GPATCH2: variants seen among roughly 807,000 people sequenced by gnomAD.
GPATCH2 encodes the protein G patch domain-containing protein 2.
GPATCH2 carries 51 observed loss-of-function variants against 58.0 expected under a neutral mutation model. The observed-to-expected ratio is 0.88, with a 90% CI of 0.70 to 1.11. GPATCH2 has a LOEUF of 1.11. Among genes scored for constraint, GPATCH2 ranks in the 50% most tolerant of loss-of-function variants. The probability of loss-of-function intolerance (pLI) is 0.00; values close to 1 mark genes in which losing one functional copy is unlikely to be tolerated. For synonymous variants in GPATCH2, 222 were observed against 218.5 expected (o/e 1.02, Z -0.14); for missense variants, 625 against 652.2 (o/e 0.96, Z 0.45).
At chr1:217,572,871 G>T (rs1162111042) in intron 5 of GPATCH2, among the ~76,000 whole-genome samples, 1 of 152,158 alleles carries the variant, frequency 6.6e-6, no homozygotes, top group Non-Finnish European at 1.5e-5. Flanking sequence ...TGAAGGGAGG[G>T]TTAATAGTGA....
At chr1:217,438,949 T>A (rs1658991943) in intron 9 of GPATCH2, among the ~76,000 whole-genome samples, 1 of 152,160 alleles carries the variant, frequency 6.6e-6, no homozygotes, top group Non-Finnish European at 1.5e-5. Flanking sequence ...GCTGCCAATA[T>A]TAGACAGAGC....
rs547462171 is a variant in GPATCH2 at position 217,430,083 on chromosome 1, T to G, written c.*1062A>C. ...AAATGACTCAGAAACAGCTCAATAC[T>G]AGGCACGTAATACAAACGACCTCTT... is the stretch of plus-strand genomic sequence containing the variant. On this transcript the variant is annotated 3_prime_UTR_variant, in exon 10 of 10. Transcript: ENST00000366935. 2 of 152,294 alleles carry G rather than the reference T, an allele frequency of 1.3e-5. No individual in the cohort carries two copies. The highest frequency in any genetic ancestry group is 4.8e-5 in the African/African-American group (2 of 41,560). The allele number at this position is 152,294 out of a possible 1,614,324, so 9.4% of individuals were successfully genotyped here. A position where few individuals can be genotyped will look rare whatever the true frequency, so the allele number is the denominator to read the frequency against.
At chr1:217,464,272 C>T (rs1366060157) in intron 8 of GPATCH2, among the ~76,000 whole-genome samples, 1 of 152,090 alleles carries the variant, frequency 6.6e-6, no homozygotes, top group Non-Finnish European at 1.5e-5. Flanking sequence ...ATTCCCCAAA[C>T]CCTCCCCTTC....
chr1:217,568,149 C>T (rs1666351609), intron 5 of GPATCH2, among the ~76,000 whole-genome samples: 1 of 151,888 alleles, frequency 6.6e-6, no homozygotes. Context: ...CAAAAAAACC[C>T]CAACATTATT....
At chr1:217,438,036 G>GGAA (rs1469220933) in intron 9 of GPATCH2, among the ~76,000 whole-genome samples, 4 of 152,232 alleles carry the variant, frequency 2.6e-5, no homozygotes, top group African/African-American at 7.2e-5. Flanking sequence ...TCCAGAGGAA[G>GGAA]GAACAGGCAG....
intron 6 of GPATCH2, among the ~76,000 whole-genome samples, chr1:217,500,011 C>T (rs1221061059): frequency 6.6e-6 from 1 of 152,028 alleles, no homozygotes; most frequent in Non-Finnish European, 1.5e-5. Context: ...TTTTTTAACT[C>T]CCAACCCTCT....
chr1:217,530,000 G>A (rs1021899704), intron 5 of GPATCH2, among the ~76,000 whole-genome samples: 1 of 152,160 alleles, frequency 6.6e-6, no homozygotes, highest in Non-Finnish European at 1.5e-5. Context: ...ACAATGTAAT[G>A]TATGTCATGC....
intron 8 of GPATCH2, among the ~76,000 whole-genome samples, chr1:217,485,265 G>T (rs1661404250): frequency 6.6e-6 from 1 of 152,076 alleles, no homozygotes; most frequent in South Asian, 2.1e-4. Flanking sequence ...TTAATAGATT[G>T]TATGATGCCC....
intron 5 of GPATCH2, among the ~76,000 whole-genome samples, chr1:217,570,134 A>C (rs957654346): frequency 5.9e-5 from 9 of 152,146 alleles, no homozygotes; most frequent in African/African-American, 1.9e-4. Context: ...ATGTTTTGAG[A>C]CAGTCTCGCT....
intron 5 of GPATCH2, among the ~76,000 whole-genome samples, chr1:217,586,993 GA>G (rs1465776832): frequency 1.3e-5 from 2 of 152,320 alleles, no homozygotes; most frequent in East Asian, 3.9e-4. Flanking sequence ...ACTTCTGGGA[GA>G]AGAGGTGATA....
chr1:217,433,394 T>C, intron 9 of GPATCH2, among the ~76,000 whole-genome samples: 1 of 59,406 alleles, frequency 1.7e-5, no homozygotes, highest in Admixed American at 1.4e-4. Context: ...ATTTATTTAT[T>C]TATTTATTTA....
chr1:217,499,660 C>G (rs1296033836), intron 6 of GPATCH2, among the ~76,000 whole-genome samples: 2 of 151,490 alleles, frequency 1.3e-5, no homozygotes, highest in East Asian at 3.9e-4. Context: ...GGATTAATTA[C>G]CAAATTAATT....
At chr1:217,552,747 T>A (rs1394972926) in intron 5 of GPATCH2, among the ~76,000 whole-genome samples, 5 of 152,124 alleles carry the variant, frequency 3.3e-5, no homozygotes, top group Non-Finnish European at 5.9e-5. Flanking sequence ...TATGCTTTGG[T>A]TTTGAAATTG....
intron 5 of GPATCH2, among the ~76,000 whole-genome samples, chr1:217,545,128 C>A (rs1407498093): frequency 6.6e-6 from 1 of 152,194 alleles, no homozygotes; most frequent in Non-Finnish European, 1.5e-5. Flanking sequence ...CTCTCTTTCC[C>A]TTGAAAGCCC....
intron 8 of GPATCH2, among the ~76,000 whole-genome samples, chr1:217,488,332 A>G (rs1161647580): frequency 6.6e-6 from 1 of 152,182 alleles, no homozygotes; most frequent in Non-Finnish European, 1.5e-5. Context: ...GCTATCAATA[A>G]TAGCAGTGTT....
intron 5 of GPATCH2, among the ~76,000 whole-genome samples, chr1:217,538,274 A>G (rs1225123309): frequency 1.3e-5 from 2 of 152,228 alleles, no homozygotes; most frequent in African/African-American, 4.8e-5. Context: ...TCACATTTCA[A>G]TACACCTTTG....
At chr1:217,592,809 C>A (rs188575625) in intron 5 of GPATCH2, among the ~76,000 whole-genome samples, 1 of 151,906 alleles carries the variant, frequency 6.6e-6, no homozygotes, top group Non-Finnish European at 1.5e-5. Context: ...TGGGTTACTG[C>A]TATCAACAGA....
At chr1:217,437,594 T>C (rs1480534287) in intron 9 of GPATCH2, among the ~76,000 whole-genome samples, 1 of 152,166 alleles carries the variant, frequency 6.6e-6, no homozygotes, top group East Asian at 1.9e-4. Flanking sequence ...AGATTTCCCC[T>C]CACAGTGTAA....
chr1:217,593,915 T>C (rs948972574), intron 5 of GPATCH2, among the ~76,000 whole-genome samples: 26 of 152,096 alleles, frequency 1.7e-4, no homozygotes, highest in African/African-American at 6.0e-4. Flanking sequence ...AAATAAAAAT[T>C]AAAGATTAAA....
Sources: allele counts gnomAD v4.1 joint callset (sites outside exome capture counted in the v4.1 genomes callset), GRCh38; gene constraint gnomAD v4.1.1; transcripts MANE v1.5; gene names NCBI Gene and HGNC (gene_info 2026-07-23, HGNC 2026-07-21).